The following ANKRD44 variants were observed in gnomAD, a reference collection of about 807,000 sequenced individuals.
ANKRD44 encodes serine/threonine-protein phosphatase 6 regulatory ankyrin repeat subunit B.
Under a neutral mutation model 116.0 loss-of-function variants are expected in ANKRD44, and 35 were observed. That is an observed-to-expected ratio of 0.30 (90% CI 0.23 to 0.40). ANKRD44 has a LOEUF of 0.40. Ranked by LOEUF, ANKRD44 falls within the 10% of genes least tolerant of loss-of-function variation. The probability of loss-of-function intolerance (pLI) is 1.00; values close to 1 mark genes in which losing one functional copy is unlikely to be tolerated. For missense variants in ANKRD44, 1,014 were observed against 1,242.6 expected, an observed-to-expected ratio of 0.82 and a Z score of 2.77; for synonymous variants, 435 against 461.8, an observed-to-expected ratio of 0.94 and a Z score of 0.74.
chr2:197,159,861 G>A (rs972037781), intron 2 of ANKRD44, among the ~76,000 whole-genome samples: 16 of 152,128 alleles, frequency 1.1e-4, no homozygotes, highest in African/African-American at 3.4e-4. Context: ...GGTGACCCTG[G>A]ATTTCCTGAC....
At chr2:197,058,157 T>C (rs994226885) in intron 16 of ANKRD44, among the ~76,000 whole-genome samples, 2 of 152,232 alleles carry the variant, frequency 1.3e-5, no homozygotes, top group Non-Finnish European at 2.9e-5. Context: ...CTGTAGGTAA[T>C]AGTCAGCTTG....
chr2:197,098,497 C>T (rs1167028555), intron 10 of ANKRD44, among the ~76,000 whole-genome samples: 1 of 152,136 alleles, frequency 6.6e-6, no homozygotes, highest in Non-Finnish European at 1.5e-5. Flanking sequence ...TAAGGTTTTT[C>T]TTCTAAAAAT....
At chr2:197,257,409 G>A (rs2712892) in intron 1 of ANKRD44, among the ~76,000 whole-genome samples, 151,859 of 152,028 alleles carry the variant, frequency 1, 75,845 homozygotes, top group Middle Eastern at 1. Flanking sequence ...GAATCAACAG[G>A]CAGTAACAGT....
intron 4 of ANKRD44, among the ~76,000 whole-genome samples, chr2:197,127,287 T>C (rs1372229959): frequency 6.6e-6 from 1 of 152,248 alleles, no homozygotes; most frequent in East Asian, 1.9e-4. Flanking sequence ...ATTTACATTT[T>C]TAAATCCTAA....
At chr2:197,187,514 C>T (rs775064028) in intron 1 of ANKRD44, among the ~76,000 whole-genome samples, 7 of 152,140 alleles carry the variant, frequency 4.6e-5, no homozygotes, top group South Asian at 2.1e-4. Context: ...ACCCCCAAAG[C>T]GACTGTATTT....
intron 16 of ANKRD44, 155 bp downstream of exon 16, chr2:197,078,548 A>C: frequency 6.7e-7 from 1 of 1,500,378 alleles, no homozygotes; most frequent in Non-Finnish European, 9.0e-7. Flanking sequence ...AGTAGAAAAA[A>C]CACTTTTTGA....
Position 196,988,009 on chromosome 2 carries a change from A to G in ANKRD44, c.*1582T>C. On this transcript the variant is annotated 3_prime_UTR_variant, in exon 28 of 28. Transcript: ENST00000282272. ...AGAGAGAGAGAGATCAGTTGATGTA[A>G]TGAACAGTTCATTGTGAGCATGATT... 1 of 985,376 alleles carries G rather than the reference A, an allele frequency of 1.0e-6. No homozygotes were observed. Among genetic ancestry groups the G allele is most frequent in the Non-Finnish European group, 1.2e-6 (1 of 829,910 alleles). The allele number at this position is 985,376 out of a possible 1,614,324, so 61.0% of individuals were successfully genotyped here.
At chr2:197,147,197 G>A (rs2079527287) in intron 2 of ANKRD44, 92 bp from the exon 3 acceptor site, 1 of 1,001,446 alleles carries the variant, frequency 1.0e-6, no homozygotes, top group Non-Finnish European at 1.6e-6. Context: ...TCACTCTGTG[G>A]TTAATGCATG....
chr2:197,224,426 T>C (rs1451901310), intron 1 of ANKRD44, among the ~76,000 whole-genome samples: 2 of 152,198 alleles, frequency 1.3e-5, no homozygotes, highest in African/African-American at 2.4e-5. Context: ...CTTATCCCAA[T>C]GGGTAAGCCT....
chr2:197,157,460 A>T (rs1428550236), intron 2 of ANKRD44, among the ~76,000 whole-genome samples: 2 of 152,120 alleles, frequency 1.3e-5, no homozygotes, highest in Admixed American at 6.5e-5. Flanking sequence ...GGATCACCTG[A>T]GGTCAGGAGT....
intron 9 of ANKRD44, among the ~76,000 whole-genome samples, chr2:197,108,765 G>T (rs2078494261): frequency 6.6e-6 from 1 of 152,158 alleles, no homozygotes; most frequent in African/African-American, 2.4e-5. Context: ...TTGAACCCGA[G>T]AGGCAGATGT....
chr2:197,211,886 G>T (rs1036817823), intron 1 of ANKRD44, among the ~76,000 whole-genome samples: 2 of 152,040 alleles, frequency 1.3e-5, no homozygotes, highest in Non-Finnish European at 2.9e-5. Flanking sequence ...GACAGATCCA[G>T]ACCAACAGAG....
intron 2 of ANKRD44, among the ~76,000 whole-genome samples, chr2:197,152,571 G>A (rs2079681099): frequency 6.6e-6 from 1 of 152,208 alleles, no homozygotes; most frequent in African/African-American, 2.4e-5. Context: ...GTATGTCTCA[G>A]AGAGATCAGG....
chr2:197,152,225 A>G (rs1412301569), intron 2 of ANKRD44, among the ~76,000 whole-genome samples: 10 of 152,046 alleles, frequency 6.6e-5, no homozygotes, highest in Admixed American at 6.6e-4. Flanking sequence ...GCCCAAGTGG[A>G]CTCTCTGTGA....
At chr2:197,217,343 T>C (rs114467734) in intron 1 of ANKRD44, among the ~76,000 whole-genome samples, 3,612 of 152,250 alleles carry the variant, frequency 0.024, 123 homozygotes, top group African/African-American at 0.08. Context: ...AACCATCCAG[T>C]GATTTGGATT....
intron 21 of ANKRD44, among the ~76,000 whole-genome samples, chr2:196,970,903 A>G (rs1360058930): frequency 3.3e-5 from 5 of 151,994 alleles, no homozygotes; most frequent in Admixed American, 3.3e-4. Flanking sequence ...GGGTTTTGCC[A>G]TGTTGCTCAC....
intron 1 of ANKRD44, among the ~76,000 whole-genome samples, chr2:197,202,120 G>T (rs1209359827): frequency 6.6e-6 from 1 of 152,226 alleles, no homozygotes; most frequent in Non-Finnish European, 1.5e-5. Context: ...GCACGCAGAG[G>T]CTTGCTCTCA....
rs1160620531 is a variant in ANKRD44 at position 196,988,577 on chromosome 2, C to T, written c.*1014G>A. ...TAAGAGTAAGATTAAAGTTTTATAG[C>T]TAGATGAAAAATATAATACAGTTAT... On this transcript the variant is annotated 3_prime_UTR_variant, in exon 28 of 28. Transcript: ENST00000282272. The T allele has an allele frequency of 4.1e-6, 4 of 983,828 alleles. No individual in the cohort carries two copies. The highest frequency in any genetic ancestry group is 4.8e-6 in the Non-Finnish European group (4 of 828,528). 60.9% of individuals were successfully genotyped at this position (983,828 alleles called of 1,614,324 possible).
rs1349510810 is a variant in ANKRD44 at position 197,297,149 on chromosome 2, C to G, written c.27+13429G>C. Among the ~76,000 whole-genome samples the G allele has an allele frequency of 2.6e-5, 4 of 152,134 alleles. No individual in the cohort carries two copies. The East Asian group carries it at 5.8e-4, about 22-fold the overall frequency. ...CACAAATTGATCCTCCTAGATCTAT[C>G]TAAACATAAGATTCTTTGGTCAAAT... On this transcript the variant is annotated intron_variant, in intron 1 of 27. Transcript: ENST00000282272.
Sources: allele counts gnomAD v4.1 joint callset (sites outside exome capture counted in the v4.1 genomes callset), GRCh38; gene constraint gnomAD v4.1.1; transcripts MANE v1.5; gene names NCBI Gene and HGNC (gene_info 2026-07-23, HGNC 2026-07-21).